Variants in GRID2 observed in about 807,000 individuals in gnomAD.
The protein encoded by GRID2 is glutamate receptor ionotropic, delta-2.
Under a neutral mutation model 114.8 loss-of-function variants are expected in GRID2, and 33 were observed. That is an observed-to-expected ratio of 0.29 (90% CI 0.22 to 0.38). GRID2 has a LOEUF of 0.38. Ranked by LOEUF, GRID2 falls within the 10% of genes least tolerant of loss-of-function variation. The probability of loss-of-function intolerance (pLI) is 1.00; values close to 1 mark genes in which losing one functional copy is unlikely to be tolerated. For synonymous variants in GRID2, 505 were observed against 449.9 expected (o/e 1.12, Z -1.55); for missense variants, 1,184 against 1,257.7 (o/e 0.94, Z 0.89).
intron 1 of GRID2, among the ~76,000 whole-genome samples, chr4:92,561,663 T>C (rs1301903418): frequency 6.6e-6 from 1 of 152,214 alleles, no homozygotes; most frequent in East Asian, 1.9e-4. Flanking sequence ...GGCTACATTG[T>C]TTAGCATTTC....
intron 2 of GRID2, among the ~76,000 whole-genome samples, chr4:93,028,907 A>C (rs1030558529): frequency 2.0e-5 from 3 of 152,078 alleles, no homozygotes; most frequent in Non-Finnish European, 4.4e-5. Context: ...AAAAATTATG[A>C]AGTGATTACT....
rs933578045 is a variant in GRID2 at position 92,727,142 on chromosome 4, A to G, written c.244+136856A>G. 7.2e-5 allele frequency among the ~76,000 whole-genome samples: 11 copies of G among 152,196 alleles called. No individual in the cohort carries two copies. The East Asian group carries it at 1.9e-3, about 27-fold the overall frequency. The stretch of plus-strand genomic sequence containing the variant: ...GCTTATTCCCTATGTATTTGTATAT[A>G]CAGACATTCAGTCAACTAATGTTTA... On this transcript the variant is annotated intron_variant, in intron 2 of 15. Transcript: ENST00000282020.
At chr4:93,692,132 TA>T (rs1726621745) in intron 14 of GRID2, among the ~76,000 whole-genome samples, 2 of 151,804 alleles carry the variant, frequency 1.3e-5, no homozygotes, top group African/African-American at 2.4e-5. Context: ...GGCAAATAAG[TA>T]AAAAATATAG....
At chr4:93,651,147 T>C (rs745999542) in intron 14 of GRID2, among the ~76,000 whole-genome samples, 11 of 152,118 alleles carry the variant, frequency 7.2e-5, no homozygotes, top group Non-Finnish European at 1.3e-4. Flanking sequence ...AATGAGCCAA[T>C]TCATATTCCC....
intron 8 of GRID2, among the ~76,000 whole-genome samples, chr4:93,276,912 G>A (rs992407913): frequency 1.3e-5 from 2 of 151,810 alleles, no homozygotes; most frequent in Non-Finnish European, 2.9e-5. Flanking sequence ...AGCAGAGGAA[G>A]TATTTACCTA....
chr4:93,592,789 T>C (rs1240577047), intron 13 of GRID2, among the ~76,000 whole-genome samples: 1 of 152,250 alleles, frequency 6.6e-6, no homozygotes, highest in Non-Finnish European at 1.5e-5. Flanking sequence ...TCTTGTTGAA[T>C]TGATGCCTTT....
At chr4:92,827,467 A>G (rs1741799714) in intron 2 of GRID2, among the ~76,000 whole-genome samples, 1 of 151,290 alleles carries the variant, frequency 6.6e-6, no homozygotes, top group African/African-American at 2.4e-5. Context: ...TTTATTTGTT[A>G]AAACATTTAT....
At chr4:92,630,314 C>T (rs909296349) in intron 2 of GRID2, among the ~76,000 whole-genome samples, 23 of 152,120 alleles carry the variant, frequency 1.5e-4, no homozygotes, top group African/African-American at 4.8e-4. Context: ...CTGTGTTGCA[C>T]ATATAATGAG....
chr4:92,592,401 A>G (rs1464088815), intron 2 of GRID2, among the ~76,000 whole-genome samples: 3 of 152,176 alleles, frequency 2.0e-5, no homozygotes, highest in African/African-American at 7.2e-5. Context: ...ATAAATTAAG[A>G]AGAAAAAGTC....
intron 1 of GRID2, among the ~76,000 whole-genome samples, chr4:92,460,057 C>G (rs61388334): frequency 3.4e-5 from 1 of 29,506 alleles, no homozygotes; most frequent in Non-Finnish European, 7.6e-5. Flanking sequence ...TATATATACA[C>G]ACACAACTTT....
At chr4:93,456,070 A>G (rs969207433) in intron 11 of GRID2, 96 bp downstream of exon 11, 49 of 736,826 alleles carry the variant, frequency 6.7e-5, no homozygotes, top group Non-Finnish European at 1.1e-4. Flanking sequence ...ATCTGACATC[A>G]ATAAGTGTTC....
chr4:92,486,387 T>C (rs944899402), intron 1 of GRID2, among the ~76,000 whole-genome samples: 1 of 151,916 alleles, frequency 6.6e-6, no homozygotes, highest in African/African-American at 2.4e-5. Flanking sequence ...TTTCCTTTCA[T>C]ATACTCCTTG....
chr4:92,799,507 C>T (rs1740051344), intron 2 of GRID2, among the ~76,000 whole-genome samples: 1 of 151,986 alleles, frequency 6.6e-6, no homozygotes, highest in East Asian at 1.9e-4. Context: ...CTTCTGAGGC[C>T]TTTCTTTTTG....
At chr4:92,443,874 C>T (rs1203232274) in intron 1 of GRID2, among the ~76,000 whole-genome samples, 1 of 152,198 alleles carries the variant, frequency 6.6e-6, no homozygotes, top group Non-Finnish European at 1.5e-5. Flanking sequence ...GGAAGGCTGC[C>T]TTTCCAGTCT....
chr4:92,310,345 A>T, intron 1 of GRID2, among the ~76,000 whole-genome samples: 1 of 152,046 alleles, frequency 6.6e-6, no homozygotes, highest in East Asian at 1.9e-4. Flanking sequence ...AACTCACATT[A>T]TTAGAGAATG....
chr4:92,560,305 C>A (rs1727047801), intron 1 of GRID2, among the ~76,000 whole-genome samples: 1 of 152,178 alleles, frequency 6.6e-6, no homozygotes, highest in South Asian at 2.1e-4. Context: ...TCCCACCCCA[C>A]ATACTTAGCA....
intron 2 of GRID2, among the ~76,000 whole-genome samples, chr4:92,746,480 G>A (rs946560308): frequency 1.3e-5 from 2 of 152,044 alleles, no homozygotes; most frequent in Non-Finnish European, 2.9e-5. Flanking sequence ...AGGCTTTATA[G>A]GAGTATGTAT....
At chr4:93,228,307 A>C (rs1384974885) in intron 7 of GRID2, among the ~76,000 whole-genome samples, 3 of 152,178 alleles carry the variant, frequency 2.0e-5, no homozygotes, top group Non-Finnish European at 4.4e-5. Flanking sequence ...CGCATGAGAC[A>C]GAGACAAAAA....
At chr4:93,709,952 T>C (rs1728342139) in intron 14 of GRID2, among the ~76,000 whole-genome samples, 1 of 152,230 alleles carries the variant, frequency 6.6e-6, no homozygotes, top group African/African-American at 2.4e-5. Flanking sequence ...ATTTATCTGA[T>C]AGAATTCTGA....
Sources: allele counts gnomAD v4.1 joint callset (sites outside exome capture counted in the v4.1 genomes callset), GRCh38; gene constraint gnomAD v4.1.1; transcripts MANE v1.5; gene names NCBI Gene and HGNC (gene_info 2026-07-23, HGNC 2026-07-21).